The following NBEA variants were observed in gnomAD, a reference collection of about 807,000 sequenced individuals.
The protein encoded by NBEA is neurobeachin.
In NBEA, 44 loss-of-function variants were observed where a neutral mutation model predicts 343.4. The ratio of observed to expected loss-of-function variants is 0.13; its 90% CI spans 0.10 to 0.16. The LOEUF is 0.16. NBEA is among the 10% of genes least tolerant of loss of function. NBEA has a pLI of 1.00. For synonymous variants in NBEA, 1,175 were observed against 1,238.7 expected, an observed-to-expected ratio of 0.95 and a Z score of 1.08; for missense variants, 2,555 against 3,631.3, an observed-to-expected ratio of 0.70 and a Z score of 7.62.
chr13:35,100,137 G>T (rs1265755363), intron 11 of NBEA, among the ~76,000 whole-genome samples: 1 of 151,884 alleles, frequency 6.6e-6, no homozygotes, highest in East Asian at 1.9e-4. Context: ...TTGATTAATG[G>T]ATAAACAAAA....
intron 47 of NBEA, among the ~76,000 whole-genome samples, chr13:35,598,567 G>A (rs1412678875): frequency 6.6e-6 from 1 of 152,184 alleles, no homozygotes; most frequent in Non-Finnish European, 1.5e-5. Context: ...TTAAAACTGT[G>A]TAGCCTTTCT....
At chr13:35,347,936 G>C (rs2039980091) in intron 36 of NBEA, among the ~76,000 whole-genome samples, 1 of 151,988 alleles carries the variant, frequency 6.6e-6, no homozygotes, top group African/African-American at 2.4e-5. Context: ...TCTCTCAGGG[G>C]AGCAACAGAC....
chr13:35,198,823 C>T (rs1051792845), intron 31 of NBEA, among the ~76,000 whole-genome samples: 1 of 151,532 alleles, frequency 6.6e-6, no homozygotes, highest in Non-Finnish European at 1.5e-5. Flanking sequence ...TTGCACTGCA[C>T]GTAACTCAAG....
rs1171929983 is a variant in NBEA, at chr13:35,095,017, C to T, written c.1572-3280C>T. 3.3e-5 allele frequency among the ~76,000 whole-genome samples: 5 copies of T among 151,852 alleles called. 1 individual carries two copies. The highest frequency in any genetic ancestry group is 3.3e-4 in the Admixed American group (5 of 15,188). On this transcript the variant is annotated intron_variant, in intron 10 of 58. Transcript: ENST00000379939. Reference sequence around the variant, plus strand: ...TTAAAAAGCCAATCTAGCTGTGGTACTTAGCTTTTTCAGTAAAAACCAAAT... The same window carrying T: ...TTAAAAAGCCAATCTAGCTGTGGTATTTAGCTTTTTCAGTAAAAACCAAAT...
chr13:35,305,099 C>T (rs891566732), intron 35 of NBEA, among the ~76,000 whole-genome samples: 2 of 152,176 alleles, frequency 1.3e-5, no homozygotes, highest in Non-Finnish European at 2.9e-5. Context: ...TTGTAAGTAT[C>T]ATCTGTAGCT....
intron 10 of NBEA, among the ~76,000 whole-genome samples, chr13:35,082,667 A>G (rs2064482160): frequency 6.6e-6 from 1 of 152,190 alleles, no homozygotes; most frequent in African/African-American, 2.4e-5. Context: ...TCTGATGGCC[A>G]GTGATGATGA....
intron 1 of NBEA, among the ~76,000 whole-genome samples, chr13:34,968,114 T>C (rs1435467977): frequency 1.3e-5 from 2 of 152,062 alleles, no homozygotes; most frequent in South Asian, 2.1e-4. Context: ...AGGAAACAGC[T>C]TAGGAACAGC....
intron 38 of NBEA, among the ~76,000 whole-genome samples, chr13:35,387,694 T>C (rs1480462055): frequency 6.6e-6 from 1 of 152,076 alleles, no homozygotes; most frequent in Non-Finnish European, 1.5e-5. Context: ...CCTGAAAAGG[T>C]ATTGATTGTG....
chr13:35,136,269 A>C (rs2067722850), intron 17 of NBEA, among the ~76,000 whole-genome samples: 1 of 152,180 alleles, frequency 6.6e-6, no homozygotes, highest in Admixed American at 6.5e-5. Context: ...CCCACATTAG[A>C]GTGATAGGAA....
In NBEA at chr13:35,671,886, G is replaced by A. The variant is rs2085629061; in HGVS notation, c.*895G>A. The A allele has an allele frequency of 6.6e-6, 1 of 152,444 alleles. No individual in the cohort carries two copies. The highest frequency in any genetic ancestry group is 1.5e-5 in the Non-Finnish European group (1 of 68,038). 9.4% of individuals were successfully genotyped at this position (152,444 alleles called of 1,614,324 possible). A position where few individuals can be genotyped will look rare whatever the true frequency, so the allele number is the denominator to read the frequency against. On this transcript the variant is annotated 3_prime_UTR_variant, in exon 59 of 59. Coordinates refer to ENST00000379939, the MANE Select transcript of NBEA (RefSeq NM_001385012.1). ...TTAGTTCTGTAGTAATAACTTCCCA[G>A]CACCTGGACATCTCTTCCAGAGTTA...
intron 1 of NBEA, among the ~76,000 whole-genome samples, chr13:35,036,015 GTTA>G (rs1160993044): frequency 6.6e-6 from 1 of 151,928 alleles, no homozygotes; most frequent in Non-Finnish European, 1.5e-5. Context: ...TACATTCAAT[GTTA>G]TTATTAAGTA....
At chr13:34,989,467 T>G (rs2060671970) in intron 1 of NBEA, among the ~76,000 whole-genome samples, 1 of 150,668 alleles carries the variant, frequency 6.6e-6, no homozygotes. Context: ...TGGAGCAGGA[T>G]AGAGGGTGAA....
intron 1 of NBEA, among the ~76,000 whole-genome samples, chr13:34,994,198 C>CA (rs57966701): frequency 0.048 from 1,443 of 29,832 alleles, 194 homozygotes; most frequent in Non-Finnish European, 0.096. Context: ...GCTCTGTCTC[C>CA]AAAAAAAAAA....
chr13:35,313,141 A>G (rs1474568649), intron 36 of NBEA, among the ~76,000 whole-genome samples: 1 of 152,108 alleles, frequency 6.6e-6, no homozygotes, highest in Non-Finnish European at 1.5e-5. Flanking sequence ...TCTTGACACG[A>G]CTGGTTGTTT....
intron 34 of NBEA, among the ~76,000 whole-genome samples, chr13:35,288,446 T>C (rs1000703689): frequency 6.6e-6 from 1 of 151,954 alleles, no homozygotes; most frequent in Non-Finnish European, 1.5e-5. Flanking sequence ...TTCTATGGAC[T>C]TGAAATCACA....
chr13:34,981,712 T>A (rs1185232215), intron 1 of NBEA, among the ~76,000 whole-genome samples: 3 of 151,998 alleles, frequency 2.0e-5, no homozygotes, highest in Non-Finnish European at 4.4e-5. Flanking sequence ...AACATTGGCC[T>A]GCACTTTTCT....
chr13:35,186,117 A>C (rs541403241), intron 30 of NBEA: 1 of 152,322 alleles, frequency 6.6e-6, no homozygotes, highest in African/African-American at 2.4e-5. Context: ...CAGCCTGGGC[A>C]ATGTAGTGAG....
chr13:35,540,353 A>C (rs2078764848), intron 41 of NBEA, among the ~76,000 whole-genome samples: 1 of 152,186 alleles, frequency 6.6e-6, no homozygotes, highest in Admixed American at 6.5e-5. Flanking sequence ...AATGAAAGTA[A>C]ATACTGGAAA....
intron 1 of NBEA, among the ~76,000 whole-genome samples, chr13:35,018,624 TTAGA>T (rs1453343985): frequency 6.6e-6 from 1 of 152,192 alleles, no homozygotes; most frequent in Non-Finnish European, 1.5e-5. Flanking sequence ...CTTTATTAAA[TTAGA>T]ACTTTTGGGT....
Sources: gnomAD v4.1 joint callset for allele counts (sites outside exome capture counted in the v4.1 genomes callset) on GRCh38, gnomAD v4.1.1 for gene constraint, MANE v1.5 for transcripts, NCBI Gene and HGNC (gene_info 2026-07-23, HGNC 2026-07-21) for gene names.